The following TACR3 variants were observed in gnomAD, a reference collection of about 807,000 sequenced individuals.
TACR3 encodes tachykinin receptor 3.
Under a neutral mutation model 35.0 loss-of-function variants are expected in TACR3, and 34 were observed. That is an observed-to-expected ratio of 0.97 (90% confidence interval 0.74 to 1.30). The LOEUF (loss-of-function observed/expected upper bound fraction) is 1.30, where lower values mean the gene tolerates loss of function less well. Among genes scored for constraint, TACR3 ranks in the 50% most tolerant of loss-of-function variants. TACR3 has a pLI of 0.00. For synonymous variants in TACR3, 233 were observed against 221.1 expected, an observed-to-expected ratio of 1.05 and a Z score of -0.48; for missense variants, 558 against 591.7, an observed-to-expected ratio of 0.94 and a Z score of 0.59.
rs1725217445 is a variant in TACR3, at chr4:103,637,388, AC to A, written c.888+18805del. 2.6e-5 allele frequency among the ~76,000 whole-genome samples: 4 copies of A among 152,168 alleles called. No individual in the cohort carries two copies. In the East Asian group the frequency reaches 5.8e-4, roughly 22 times the overall value. On this transcript the variant is annotated intron_variant, in intron 3 of 4. Coordinates refer to ENST00000304883, the MANE Select transcript of TACR3 (RefSeq NM_001059.3). ...GAAAGGCCTTTGACAAAATTCAGCA[AC>A]CCTTCATGCTAAAAACTCTCAATAA...
At chr4:103,718,556 G>GT (rs1197382082) in intron 1 of TACR3, among the ~76,000 whole-genome samples, 2 of 152,320 alleles carry the variant, frequency 1.3e-5, no homozygotes, top group Non-Finnish European at 2.9e-5. Flanking sequence ...GTTTACAGTA[G>GT]TTTTTTGGAG....
At chr4:103,620,286 G>T (rs1724746326) in intron 3 of TACR3, among the ~76,000 whole-genome samples, 1 of 152,176 alleles carries the variant, frequency 6.6e-6, no homozygotes, top group Non-Finnish European at 1.5e-5. Flanking sequence ...AACACTGTTG[G>T]GGGGCTTAAA....
At chr4:103,684,086 A>T (rs1043565114) in intron 1 of TACR3, among the ~76,000 whole-genome samples, 1 of 152,036 alleles carries the variant, frequency 6.6e-6, no homozygotes, top group Non-Finnish European at 1.5e-5. Flanking sequence ...TAAATCTGAT[A>T]CAGAGAAATC....
In TACR3 at chr4:103,652,650, T is replaced by C. The variant is rs1725647086; in HGVS notation, c.888+3544A>G. On this transcript the variant is annotated intron_variant, in intron 3 of 4. Transcript: ENST00000304883. ...ATCAGTGGAGGCTTCTATTTGACCA[T>C]CCTGCTCCACCCCGTGTAGTCTCTT... Among the ~76,000 whole-genome samples the C allele has an allele frequency of 2.6e-5, 4 of 152,260 alleles. No individual in the cohort carries two copies. The South Asian group carries it at 8.3e-4, about 32-fold the overall frequency.
rs140040107 is a variant in TACR3, at chr4:103,705,156, G to C, written c.548+13972C>G. ...CCTGAGTAGAAAAAATGACTCAAAGGATGTATGAATTGACAATCACCCTCC... is the reference window on the plus strand; with the variant it reads ...CCTGAGTAGAAAAAATGACTCAAAGCATGTATGAATTGACAATCACCCTCC... On this transcript the variant is annotated intron_variant, in intron 1 of 4. Coordinates refer to ENST00000304883, the MANE Select transcript of TACR3 (RefSeq NM_001059.3). Among the ~76,000 whole-genome samples the C allele has an allele frequency of 1.4e-4, 22 of 152,032 alleles. No individual in the cohort carries two copies. The East Asian group carries it at 4.1e-3, about 28-fold the overall frequency.
At chr4:103,631,440 T>A (rs189144798) in intron 3 of TACR3, among the ~76,000 whole-genome samples, 1 of 152,292 alleles carries the variant, frequency 6.6e-6, no homozygotes, top group East Asian at 1.9e-4. Context: ...TGTATTATTT[T>A]ACTTATGGCA....
intron 3 of TACR3, among the ~76,000 whole-genome samples, chr4:103,607,392 ATTTATT>A (rs1724404159): frequency 6.6e-6 from 1 of 152,070 alleles, no homozygotes; most frequent in Non-Finnish European, 1.5e-5. Flanking sequence ...AGCATTATGT[ATTTATT>A]TTTATCTTAC....
chr4:103,656,066 A>G, intron 3 of TACR3, 128 bp downstream of exon 3: 1 of 1,215,316 alleles, frequency 8.2e-7, no homozygotes, highest in Non-Finnish European at 1.2e-6. Flanking sequence ...AAAAAAATTA[A>G]AACAAAGACA....
At chr4:103,701,265 A>G (rs930620733) in intron 1 of TACR3, among the ~76,000 whole-genome samples, 16 of 151,944 alleles carry the variant, frequency 1.1e-4, no homozygotes, top group African/African-American at 3.9e-4. Context: ...ACAGACAAAC[A>G]GAGAGCCAAA....
rs553499487 is a variant in TACR3 at position 103,652,969 on chromosome 4, A to C, written c.888+3225T>G. 8.5e-5 allele frequency among the ~76,000 whole-genome samples: 13 copies of C among 152,212 alleles called. No homozygotes were observed. The South Asian group carries it at 2.7e-3, about 32-fold the overall frequency. On this transcript the variant is annotated intron_variant, in intron 3 of 4. Coordinates refer to ENST00000304883, the MANE Select transcript of TACR3 (RefSeq NM_001059.3). ...TAGATAAAAAGAAAAAAATTAAGAG[A>C]AGGGCCAGCTATATTTTAAAATTTT...
chr4:103,605,065 G>C (rs1283988987), intron 3 of TACR3, among the ~76,000 whole-genome samples: 1 of 146,704 alleles, frequency 6.8e-6, no homozygotes, highest in Non-Finnish European at 1.5e-5. Context: ...CCACCTATGA[G>C]TGAGAATATG....
In TACR3 at chr4:103,589,910, G is replaced by T; in HGVS notation, c.1170C>A (p.Thr390=). The change falls in exon 5 of 5, where the codon ACC becomes ACA. Residue 390 remains threonine, a synonymous_variant. Transcript: ENST00000304883. ...SSYDELELKT[T]RFHPNRQSSM... is the part of the protein sequence containing the mutation. ...TGCTTTGCCGGTTTGGATGAAACCT[G>T]GTGGTCTTGAGCTCTAGCTCATCAT... 1 of 1,613,978 alleles carries T rather than the reference G, an allele frequency of 6.2e-7. No individual in the cohort carries two copies. The highest frequency in any genetic ancestry group is 8.5e-7 in the Non-Finnish European group (1 of 1,179,892).
chr4:103,668,104 C>A (rs1560524520), intron 1 of TACR3, among the ~76,000 whole-genome samples: 2 of 152,008 alleles, frequency 1.3e-5, no homozygotes, highest in African/African-American at 4.8e-5. Flanking sequence ...ATTGGTGAAT[C>A]ACCACACCTG....
intron 3 of TACR3, among the ~76,000 whole-genome samples, chr4:103,600,072 A>G (rs1165422144): frequency 3.9e-5 from 6 of 152,032 alleles, no homozygotes; most frequent in Admixed American, 2.0e-4. Context: ...TCGGCTGTGA[A>G]TCCATCTGGT....
At chr4:103,717,390 A>T (rs1250214922) in intron 1 of TACR3, among the ~76,000 whole-genome samples, 2 of 152,170 alleles carry the variant, frequency 1.3e-5, no homozygotes, top group African/African-American at 4.8e-5. Flanking sequence ...ACAAAGAAAT[A>T]GTAAAGATTA....
chr4:103,655,591 T>C (rs1453342537), intron 3 of TACR3, among the ~76,000 whole-genome samples: 1 of 152,116 alleles, frequency 6.6e-6, no homozygotes, highest in East Asian at 1.9e-4. Flanking sequence ...TTTTGTTTCA[T>C]GTAAATTAGA....
At chr4:103,655,413 C>T (rs192785204) in intron 3 of TACR3, among the ~76,000 whole-genome samples, 2 of 152,106 alleles carry the variant, frequency 1.3e-5, no homozygotes, top group African/African-American at 4.8e-5. Context: ...TTTGATAAAA[C>T]CTCTCCAAGA....
intron 3 of TACR3, among the ~76,000 whole-genome samples, chr4:103,637,630 G>A (rs1166573303): frequency 6.6e-6 from 1 of 152,160 alleles, no homozygotes; most frequent in Non-Finnish European, 1.5e-5. Flanking sequence ...ATTCAGTTAG[G>A]AAAAGAGGAA....
chr4:103,652,729 A>ATGAT (rs1336913965), intron 3 of TACR3, among the ~76,000 whole-genome samples: 1 of 151,964 alleles, frequency 6.6e-6, no homozygotes, highest in East Asian at 1.9e-4. Flanking sequence ...CCCAATAGTC[A>ATGAT]TGATTAGTTT....
Sources: allele counts gnomAD v4.1 joint callset (sites outside exome capture counted in the v4.1 genomes callset), GRCh38; gene constraint gnomAD v4.1.1; transcripts MANE v1.5; gene names NCBI Gene and HGNC (gene_info 2026-07-23, HGNC 2026-07-21).